FRYL: variants seen among roughly 807,000 people sequenced by gnomAD.
FRYL encodes the protein FRY like transcription coactivator, also known as protein furry homolog-like.
A neutral mutation model predicts 351.2 loss-of-function variants in FRYL; 150 were observed. The ratio of observed to expected loss-of-function variants is 0.43; its 90% CI spans 0.37 to 0.49. The LOEUF (loss-of-function observed/expected upper bound fraction) is 0.49. FRYL is among the 20% of genes least tolerant of loss of function. FRYL has a pLI of 0.00. For synonymous variants in FRYL, 1,153 were observed against 1,257.1 expected, an observed-to-expected ratio of 0.92 and a Z score of 1.75; for missense variants, 3,036 against 3,619.3, an observed-to-expected ratio of 0.84 and a Z score of 4.13.
At chr4:48,646,530 A>C (rs1756502255) in intron 3 of FRYL, among the ~76,000 whole-genome samples, 1 of 152,224 alleles carries the variant, frequency 6.6e-6, no homozygotes, top group South Asian at 2.1e-4. Flanking sequence ...AAGAATAACC[A>C]AAAAGACATG....
At chr4:48,717,665 A>C (rs1024320155) in intron 1 of FRYL, among the ~76,000 whole-genome samples, 1 of 151,412 alleles carries the variant, frequency 6.6e-6, no homozygotes, top group Non-Finnish European at 1.5e-5. Context: ...CTCAGCCTCC[A>C]GGGTACCTAG....
In FRYL at chr4:48,665,418, T is replaced by C. The variant is rs562801376; in HGVS notation, c.-81+19255A>G. Among the ~76,000 whole-genome samples, 4 of 152,348 alleles carry C rather than the reference T, an allele frequency of 2.6e-5. No homozygotes were observed. The East Asian group carries it at 7.7e-4, about 29-fold the overall frequency. ...TTCTCAAGCTCCTTTGAAATAGAGA[T>C]AGAAATATTTAATTACTTGAAACAA... On this transcript the variant is annotated intron_variant, in intron 3 of 63. Coordinates refer to ENST00000358350, the MANE Select transcript of FRYL (RefSeq NM_015030.2).
chr4:48,758,126 A>T (rs1054719279), intron 1 of FRYL, among the ~76,000 whole-genome samples: 2 of 152,372 alleles, frequency 1.3e-5, no homozygotes, highest in African/African-American at 4.8e-5. Flanking sequence ...CTGAAAGCAT[A>T]AAACCCTAGA....
At chr4:48,606,712 T>C in intron 9 of FRYL, 106 bp from the exon 10 acceptor site, 1 of 762,026 alleles carries the variant, frequency 1.3e-6, no homozygotes. Flanking sequence ...TATCATCTCC[T>C]TTCTCTACCT....
At chr4:48,566,099 G>A (rs1253842997) in intron 28 of FRYL, among the ~76,000 whole-genome samples, 1 of 152,126 alleles carries the variant, frequency 6.6e-6, no homozygotes, top group Non-Finnish European at 1.5e-5. Context: ...GACGAGATAC[G>A]TGTTTTCAAA....
At position 48,498,544 on chromosome 4, in the gene FRYL, G is replaced by A. The variant is rs1718876194; in HGVS notation, c.*878C>T. On this transcript the variant is annotated 3_prime_UTR_variant, in exon 64 of 64. Transcript: ENST00000358350. The stretch of plus-strand genomic sequence containing the variant: ...AAAGTCTCTGCAGGCATCTACTTTG[G>A]TTAGTTATCAACAATCATAACATAA... The A allele has an allele frequency of 6.6e-6, 1 of 152,532 alleles. No individual in the cohort carries two copies. Among genetic ancestry groups the A allele is most frequent in the South Asian group, 2.1e-4 (1 of 4,822 alleles). 9.4% of individuals were successfully genotyped at this position (152,532 alleles called of 1,614,324 possible).
At chr4:48,698,059 G>GCTAC (rs2149570911) in intron 2 of FRYL, among the ~76,000 whole-genome samples, 1 of 152,280 alleles carries the variant, frequency 6.6e-6, no homozygotes, top group Admixed American at 6.5e-5. Flanking sequence ...ACACACAGCT[G>GCTAC]CTACCATCAA....
chr4:48,519,075 C>T (rs1656022753), intron 55 of FRYL, among the ~76,000 whole-genome samples: 1 of 152,192 alleles, frequency 6.6e-6, no homozygotes, highest in Admixed American at 6.5e-5. Context: ...TAATAGGTAT[C>T]TCTTGAAAGG....
intron 3 of FRYL, among the ~76,000 whole-genome samples, chr4:48,644,272 T>C (rs1036260366): frequency 6.6e-6 from 1 of 152,138 alleles, no homozygotes; most frequent in Non-Finnish European, 1.5e-5. Context: ...CTGTTTTGTC[T>C]AGGTTTATTG....
chr4:48,597,643 T>C (rs1375224373), intron 13 of FRYL, among the ~76,000 whole-genome samples: 2 of 152,212 alleles, frequency 1.3e-5, no homozygotes, highest in East Asian at 3.8e-4. Context: ...CACTTTCATA[T>C]TGTTAAATTG....
chr4:48,667,885 T>C (rs1762015850), intron 3 of FRYL, among the ~76,000 whole-genome samples: 1 of 152,226 alleles, frequency 6.6e-6, no homozygotes, highest in African/African-American at 2.4e-5. Context: ...TGGCCTCAGG[T>C]GATCCACCCA....
intron 3 of FRYL, chr4:48,645,880 A>G (rs1578502985): frequency 6.6e-6 from 1 of 152,160 alleles, no homozygotes; most frequent in East Asian, 1.9e-4. Context: ...CCAACCATAC[A>G]AAAGCCCTAC....
chr4:48,603,697 T>C (rs1467534717), intron 11 of FRYL, among the ~76,000 whole-genome samples: 3 of 152,140 alleles, frequency 2.0e-5, no homozygotes, highest in Non-Finnish European at 4.4e-5. Context: ...GGAAGTAACA[T>C]CTAAGCTGCA....
intron 31 of FRYL, 43 bp downstream of exon 31, chr4:48,563,905 G>T (rs758868804): frequency 6.3e-7 from 1 of 1,579,450 alleles, no homozygotes; most frequent in Non-Finnish European, 8.6e-7. Context: ...TTTTCTTTAA[G>T]AAAACAGAAC....
chr4:48,700,569 A>C (rs902343243), intron 2 of FRYL, among the ~76,000 whole-genome samples: 4 of 152,126 alleles, frequency 2.6e-5, no homozygotes, highest in Non-Finnish European at 5.9e-5. Context: ...GGGGAGGCTG[A>C]GGTGGGAGGA....
chr4:48,769,504 G>C (rs1045648138), intron 1 of FRYL, among the ~76,000 whole-genome samples: 1 of 152,180 alleles, frequency 6.6e-6, no homozygotes, highest in South Asian at 2.1e-4. Flanking sequence ...AAAACATACA[G>C]CCACTTTGGA....
At chr4:48,537,646 G>A (rs1729187468) in intron 47 of FRYL, among the ~76,000 whole-genome samples, 1 of 152,136 alleles carries the variant, frequency 6.6e-6, no homozygotes, top group Non-Finnish European at 1.5e-5. Context: ...TGTCCAACAG[G>A]AAGAAAACAG....
At chr4:48,754,641 C>T (rs1468324508) in intron 1 of FRYL, among the ~76,000 whole-genome samples, 1 of 148,746 alleles carries the variant, frequency 6.7e-6, no homozygotes, top group African/African-American at 2.5e-5. Context: ...TTCATTCACA[C>T]TTGTGATTTT....
rs559517142 is a variant in FRYL, at chr4:48,662,283, A to G, written c.-81+22390T>C. ...TAGTGAGACTTTGTCTCTATAAACAAATTTAAAAATTAGGACCTGTAGCCC... is the reference window on the plus strand; with the variant it reads ...TAGTGAGACTTTGTCTCTATAAACAGATTTAAAAATTAGGACCTGTAGCCC... On this transcript the variant is annotated intron_variant, in intron 3 of 63. Coordinates refer to ENST00000358350, the MANE Select transcript of FRYL (RefSeq NM_015030.2). 5.3e-4 allele frequency among the ~76,000 whole-genome samples: 81 copies of G among 152,150 alleles called. 1 individual carries two copies. Among genetic ancestry groups the G allele is most frequent in the Non-Finnish European group, 9.3e-4 (63 of 67,976 alleles).
Sources: allele counts gnomAD v4.1 joint callset (sites outside exome capture counted in the v4.1 genomes callset), GRCh38; gene constraint gnomAD v4.1.1; transcripts MANE v1.5; gene names NCBI Gene and HGNC (gene_info 2026-07-23, HGNC 2026-07-21).